Variants in PRKN observed in about 807,000 individuals in gnomAD.
PRKN encodes the protein E3 ubiquitin-protein ligase parkin.
In PRKN, 56 loss-of-function variants were observed where a neutral mutation model predicts 59.5. The ratio of observed to expected loss-of-function variants is 0.94; its 90% CI spans 0.76 to 1.18. The LOEUF (loss-of-function observed/expected upper bound fraction) is 1.18, where lower values mean the gene tolerates loss of function less well. PRKN is among the 50% of genes most tolerant of loss of function. The pLI is 0.00. For missense variants in PRKN, 657 were observed against 596.4 expected (o/e 1.10, Z -1.06); for synonymous variants, 250 against 222.1 (o/e 1.13, Z -1.12).
chr6:162,687,441 C>T (rs1320749938), intron 1 of PRKN, among the ~76,000 whole-genome samples: 1 of 152,052 alleles, frequency 6.6e-6, no homozygotes, highest in Non-Finnish European at 1.5e-5. Context: ...GCCTTGGCCT[C>T]CCAAAGTGCT....
intron 1 of PRKN, among the ~76,000 whole-genome samples, chr6:162,724,291 G>A (rs536462636): frequency 5.3e-5 from 8 of 152,232 alleles, no homozygotes; most frequent in South Asian, 2.1e-4. Context: ...ATTTTTAACC[G>A]ACTTCAATTA....
At chr6:162,293,958 A>G (rs1026930885) in intron 2 of PRKN, among the ~76,000 whole-genome samples, 1 of 152,144 alleles carries the variant, frequency 6.6e-6, no homozygotes. Context: ...GATTACAGGC[A>G]TGAGCCACTA....
At chr6:162,713,899 C>T (rs2803057) in intron 1 of PRKN, among the ~76,000 whole-genome samples, 152,326 of 152,362 alleles carry the variant, frequency 1, 76,145 homozygotes, top group Non-Finnish European at 1. Context: ...AATGACTGCT[C>T]TGTAATGTAT....
chr6:161,556,307 C>T (rs1000334625), intron 8 of PRKN, among the ~76,000 whole-genome samples: 10 of 152,110 alleles, frequency 6.6e-5, no homozygotes, highest in Non-Finnish European at 1.3e-4. Context: ...TTAAAAAGTA[C>T]ACACAATACC....
chr6:162,205,561 G>A (rs2128332390), intron 3 of PRKN, among the ~76,000 whole-genome samples: 1 of 152,080 alleles, frequency 6.6e-6, no homozygotes, highest in East Asian at 1.9e-4. Flanking sequence ...TCTTACCTTG[G>A]TAAAATACTG....
chr6:162,546,568 C>T (rs1348599417), intron 1 of PRKN, among the ~76,000 whole-genome samples: 1 of 151,902 alleles, frequency 6.6e-6, no homozygotes, highest in East Asian at 1.9e-4. Flanking sequence ...CTCATCTTCC[C>T]AAGTAGCTGG....
intron 1 of PRKN, among the ~76,000 whole-genome samples, chr6:162,522,019 T>G (rs1778096780): frequency 6.6e-6 from 1 of 152,254 alleles, no homozygotes; most frequent in South Asian, 2.1e-4. Context: ...CACTTTTTAT[T>G]CGATGTCCCC....
chr6:161,743,832 A>G (rs145182986), intron 7 of PRKN, among the ~76,000 whole-genome samples: 49 of 152,330 alleles, frequency 3.2e-4, no homozygotes, highest in African/African-American at 1.1e-3. Flanking sequence ...TGACAAAATA[A>G]ATCATCGAGA....
chr6:162,047,412 A>C (rs982107676), intron 5 of PRKN, among the ~76,000 whole-genome samples: 4 of 152,242 alleles, frequency 2.6e-5, no homozygotes, highest in African/African-American at 9.6e-5. Flanking sequence ...GCAACACAAG[A>C]ATATGGAGCC....
At chr6:162,396,650 A>T (rs1787489753) in intron 2 of PRKN, among the ~76,000 whole-genome samples, 1 of 152,142 alleles carries the variant, frequency 6.6e-6, no homozygotes, top group Admixed American at 6.6e-5. Flanking sequence ...TGTTGTGTAA[A>T]GCCACTGGAA....
chr6:162,148,455 AGATT>A (rs1782122122), intron 4 of PRKN, among the ~76,000 whole-genome samples: 2 of 152,228 alleles, frequency 1.3e-5, no homozygotes, highest in Admixed American at 6.5e-5. Context: ...TAAGTCATGG[AGATT>A]TTGAGGTCCC....
intron 2 of PRKN, among the ~76,000 whole-genome samples, chr6:162,415,736 G>A (rs184294671): frequency 6.6e-6 from 1 of 152,274 alleles, no homozygotes; most frequent in East Asian, 1.9e-4. Flanking sequence ...GGAATCGCTT[G>A]AACCCGGGAG....
intron 6 of PRKN, among the ~76,000 whole-genome samples, chr6:161,921,132 CT>C (rs1778771242): frequency 2.0e-5 from 3 of 152,164 alleles, no homozygotes; most frequent in East Asian, 1.9e-4. Flanking sequence ...ATTCTATATG[CT>C]TTTTTTCTGT....
intron 6 of PRKN, among the ~76,000 whole-genome samples, chr6:161,911,361 C>G (rs1778353972): frequency 6.6e-6 from 1 of 152,172 alleles, no homozygotes; most frequent in Non-Finnish European, 1.5e-5. Flanking sequence ...TTTAGTCATT[C>G]AGCCTCATGA....
At chr6:162,555,625 GA>G (rs1297409931) in intron 1 of PRKN, among the ~76,000 whole-genome samples, 1 of 114,620 alleles carries the variant, frequency 8.7e-6, no homozygotes, top group Non-Finnish European at 2.0e-5. Flanking sequence ...TACACTGTGT[GA>G]AAAAAATACA....
At chr6:162,333,985 G>A (rs574611043) in intron 2 of PRKN, among the ~76,000 whole-genome samples, 4 of 152,254 alleles carry the variant, frequency 2.6e-5, no homozygotes, top group East Asian at 1.9e-4. Context: ...ATACAAGATC[G>A]AAACAGCCAC....
chr6:161,914,410 G>A (rs1242754664), intron 6 of PRKN, among the ~76,000 whole-genome samples: 1 of 152,106 alleles, frequency 6.6e-6, no homozygotes, highest in African/African-American at 2.4e-5. Flanking sequence ...AGTACACATT[G>A]GGAGCTATTC....
intron 4 of PRKN, among the ~76,000 whole-genome samples, chr6:162,160,336 T>C (rs1782700406): frequency 6.6e-6 from 1 of 152,168 alleles, no homozygotes; most frequent in Non-Finnish European, 1.5e-5. Context: ...AAAATGCTTA[T>C]TAAAATTCTA....
rs2128187330 is a variant in PRKN, at chr6:162,498,932, T to TG, written c.8-55460dup. 1.3e-5 allele frequency among the ~76,000 whole-genome samples: 2 copies of TG among 152,266 alleles called. 1 individual carries two copies. The highest frequency in any genetic ancestry group is 4.1e-4 in the South Asian group (2 of 4,826). ...CTAGGTATGACTGAAAAAACAAGCA[T>TG]GTTCATTCATTCGTTTGCTCATCCA... On this transcript the variant is annotated intron_variant, in intron 1 of 11. Transcript: ENST00000366898.
Sources: gnomAD v4.1 joint callset for allele counts (sites outside exome capture counted in the v4.1 genomes callset) on GRCh38, gnomAD v4.1.1 for gene constraint, MANE v1.5 for transcripts, NCBI Gene and HGNC (gene_info 2026-07-23, HGNC 2026-07-21) for gene names.